The following U2SURP variants were observed in gnomAD, a reference collection of about 807,000 sequenced individuals.
U2SURP encodes the protein U2 snRNP associated SURP domain containing.
A neutral mutation model predicts 144.9 loss-of-function variants in U2SURP; 9 were observed. The ratio of observed to expected loss-of-function variants is 0.06; its 90% CI spans 0.04 to 0.11. U2SURP has a LOEUF of 0.11. Among genes scored for constraint, U2SURP ranks in the 10% least tolerant of loss-of-function variants. U2SURP has a pLI of 1.00. For missense variants in U2SURP, 724 were observed against 1,226.7 expected (o/e 0.59, Z 6.12); for synonymous variants, 408 against 396.8 (o/e 1.03, Z -0.33).
intron 20 of U2SURP, chr3:143,036,896 A>G (rs936796586): frequency 1.6e-5 from 6 of 374,904 alleles, no homozygotes; most frequent in African/African-American, 1.2e-4. Context: ...CTGCAAAACA[A>G]CAGCAAAAAC....
chr3:143,034,553 T>A (rs527742613), intron 18 of U2SURP: 4,321 of 163,106 alleles, frequency 0.026, 72 homozygotes, highest in African/African-American at 0.056. Context: ...TGCTATTAGT[T>A]TTTTTGCCTT....
At position 143,034,579 on chromosome 3, in the gene U2SURP, C is replaced by CT; in HGVS notation, c.1854-308dup. The CT allele has an allele frequency of 4.0e-5, 7 of 174,206 alleles. 1 individual carries two copies. In the Admixed American group the frequency reaches 4.4e-4, roughly 11 times the overall value. The allele number at this position is 174,206 out of a possible 1,614,324, so 10.8% of individuals were successfully genotyped here. A position where few individuals can be genotyped will look rare whatever the true frequency, so the allele number is the denominator to read the frequency against. ...TTTTTGCCTTGGACGAGTCACTTTT[C>CT]TAAGTTTTCTGTTTTATAAAATAAA... On this transcript the variant is annotated intron_variant, in intron 18 of 27. Coordinates refer to ENST00000473835, the MANE Select transcript of U2SURP (RefSeq NM_001080415.2).
At chr3:143,021,588 T>C (rs975720727) in intron 10 of U2SURP, 33 bp downstream of exon 10, 12 of 1,563,844 alleles carry the variant, frequency 7.7e-6, no homozygotes, top group African/African-American at 4.1e-5. Context: ...TTGATTGATA[T>C]GCTTTATGCT....
chr3:143,047,195 C>T lies in U2SURP; in HGVS notation c.2545-3744C>T, dbSNP rs1023052522. On this transcript the variant is annotated intron_variant, in intron 24 of 27. Coordinates refer to ENST00000473835, the MANE Select transcript of U2SURP (RefSeq NM_001080415.2). Reference sequence around the variant, plus strand: ...GGGGCTGATCCCCCCACCTCCCTCCCGGACGGGGCGGCCGGCCAGGCGGGG... The same window carrying T: ...GGGGCTGATCCCCCCACCTCCCTCCTGGACGGGGCGGCCGGCCAGGCGGGG... Among the ~76,000 whole-genome samples, 13 of 92,982 alleles carry T rather than the reference C, an allele frequency of 1.4e-4. 1 individual carries two copies. Among genetic ancestry groups the T allele is most frequent in the South Asian group, 3.6e-4 (1 of 2,816 alleles). 61.0% of individuals were successfully genotyped at this position (92,982 alleles called of 152,430 possible). A position where few individuals can be genotyped will look rare whatever the true frequency, so the allele number is the denominator to read the frequency against.
chr3:143,058,895 C>T lies in U2SURP; in HGVS notation c.*2445C>T, dbSNP rs942838434. 1.3e-5 allele frequency: 2 copies of T among 151,894 alleles called. No homozygotes were observed. Among genetic ancestry groups the T allele is most frequent in the Non-Finnish European group, 2.9e-5 (2 of 67,814 alleles). 9.4% of individuals were successfully genotyped at this position (151,894 alleles called of 1,614,324 possible). A position where few individuals can be genotyped will look rare whatever the true frequency, so the allele number is the denominator to read the frequency against. Reference sequence around the variant, plus strand: ...CACTTACTGTCCTCTACCACAGCTACGTGCCAGAGTTGTTTTCCACAGTTC... The same window carrying T: ...CACTTACTGTCCTCTACCACAGCTATGTGCCAGAGTTGTTTTCCACAGTTC... On this transcript the variant is annotated 3_prime_UTR_variant, in exon 28 of 28. Coordinates refer to ENST00000473835, the MANE Select transcript of U2SURP (RefSeq NM_001080415.2).
At chr3:143,031,791 A>AT (rs1388826885) in intron 16 of U2SURP, among the ~76,000 whole-genome samples, 1 of 152,168 alleles carries the variant, frequency 6.6e-6, no homozygotes, top group Admixed American at 6.5e-5. Flanking sequence ...ATAAATCTTA[A>AT]TACTTGTTGC....
intron 14 of U2SURP, among the ~76,000 whole-genome samples, chr3:143,027,554 G>A (rs980582111): frequency 1.3e-5 from 2 of 152,062 alleles, no homozygotes; most frequent in Non-Finnish European, 2.9e-5. Context: ...GTCCTTTTGT[G>A]ACTAGCTTAT....
At chr3:143,054,878 T>A in intron 26 of U2SURP, 65 bp from the exon 27 acceptor site, 1 of 1,447,714 alleles carries the variant, frequency 6.9e-7, no homozygotes, top group South Asian at 1.5e-5. Context: ...GCTAATTTAG[T>A]AAAGGAAAAT....
chr3:143,055,744 A>G (rs1001731689), intron 27 of U2SURP, among the ~76,000 whole-genome samples: 10 of 152,126 alleles, frequency 6.6e-5, no homozygotes, highest in Non-Finnish European at 1.0e-4. Flanking sequence ...TGGCACCTGT[A>G]TATATATGTA....
chr3:143,046,744 C>T (rs1339900320), intron 24 of U2SURP, among the ~76,000 whole-genome samples: 4 of 122,570 alleles, frequency 3.3e-5, no homozygotes, highest in African/African-American at 1.4e-4. Flanking sequence ...GGCAACCATC[C>T]GATTTCTCAA....
intron 1 of U2SURP, among the ~76,000 whole-genome samples, chr3:143,007,272 A>G (rs1046930263): frequency 2.7e-5 from 4 of 147,148 alleles, no homozygotes; most frequent in African/African-American, 7.6e-5. Context: ...TTCCTTTTGT[A>G]TTTTTCTTTT....
At chr3:143,046,297 A>ATTTTTTTTTTTTTTTTTTTTTTTT (rs11400849) in intron 24 of U2SURP, among the ~76,000 whole-genome samples, 5 of 106,426 alleles carry the variant, frequency 4.7e-5, no homozygotes, top group East Asian at 3.3e-4. Context: ...TTTATTTTTT[A>ATTTTTTTTTTTTTTTTTTTTTTTT]TTTTTTTTTA....
At chr3:143,054,484 G>T (rs1009947615) in intron 26 of U2SURP, among the ~76,000 whole-genome samples, 1 of 152,100 alleles carries the variant, frequency 6.6e-6, no homozygotes, top group Non-Finnish European at 1.5e-5. Context: ...AGATTTATAG[G>T]AAAGTTGCAA....
intron 23 of U2SURP, among the ~76,000 whole-genome samples, chr3:143,040,713 G>A (rs1934057456): frequency 6.6e-6 from 1 of 151,670 alleles, no homozygotes. Context: ...TAAAAGCTAA[G>A]GCCAAAACCA....
At chr3:143,045,398 C>T (rs1295620870) in intron 24 of U2SURP, among the ~76,000 whole-genome samples, 1 of 150,594 alleles carries the variant, frequency 6.6e-6, no homozygotes, top group Non-Finnish European at 1.5e-5. Context: ...AAGAGCACTC[C>T]CTTTCTGACC....
At chr3:143,012,839 T>G (rs553344454) in intron 3 of U2SURP, among the ~76,000 whole-genome samples, 1 of 152,126 alleles carries the variant, frequency 6.6e-6, no homozygotes, top group Non-Finnish European at 1.5e-5. Flanking sequence ...ATCTCTAAAG[T>G]GCTCTCAGGC....
chr3:143,016,195 T>C, intron 4 of U2SURP, 62 bp from the exon 5 acceptor site: 1 of 1,454,698 alleles, frequency 6.9e-7, no homozygotes. Context: ...TTGATGAATT[T>C]AGCCTTGTGT....
intron 16 of U2SURP, 54 bp from the exon 17 acceptor site, chr3:143,032,730 A>C: frequency 6.7e-7 from 1 of 1,483,874 alleles, no homozygotes; most frequent in Non-Finnish European, 9.2e-7. Context: ...AAAAGCTACA[A>C]TGGCATTTGA....
intron 20 of U2SURP, among the ~76,000 whole-genome samples, 169 bp downstream of exon 20, chr3:143,036,273 A>G (rs1311745667): frequency 1.3e-5 from 2 of 152,184 alleles, no homozygotes; most frequent in Admixed American, 6.5e-5. Flanking sequence ...TCAAAATTAC[A>G]TGTAACAGGA....
Sources: gnomAD v4.1 joint callset for allele counts (sites outside exome capture counted in the v4.1 genomes callset) on GRCh38, gnomAD v4.1.1 for gene constraint, MANE v1.5 for transcripts, NCBI Gene and HGNC (gene_info 2026-07-23, HGNC 2026-07-21) for gene names.